SLC30A8: variants seen among roughly 807,000 people sequenced by gnomAD.
SLC30A8 encodes the protein solute carrier family 30 member 8, also known as proton-coupled zinc antiporter SLC30A8.
SLC30A8 carries 27 observed loss-of-function variants against 36.9 expected under a neutral mutation model. The ratio of observed to expected loss-of-function variants is 0.73; its 90% confidence interval spans 0.54 to 1.01. The LOEUF is 1.01. Ranked by LOEUF, SLC30A8 falls within the 50% of genes least tolerant of loss-of-function variation. The probability of loss-of-function intolerance (pLI) is 0.00; values close to 1 mark genes in which losing one functional copy is unlikely to be tolerated. For synonymous variants in SLC30A8, 164 were observed against 172.4 expected (o/e 0.95, Z 0.38); for missense variants, 439 against 452.0 (o/e 0.97, Z 0.26).
intron 1 of SLC30A8, among the ~76,000 whole-genome samples, chr8:117,021,860 T>C (rs1331741883): frequency 6.6e-6 from 1 of 152,074 alleles, no homozygotes; most frequent in Non-Finnish European, 1.5e-5. Flanking sequence ...CCCACACAGA[T>C]GTAGACACTC....
intron 2 of SLC30A8, among the ~76,000 whole-genome samples, chr8:117,122,601 A>C (rs1210841842): frequency 2.0e-5 from 3 of 151,984 alleles, no homozygotes; most frequent in Admixed American, 2.0e-4. Flanking sequence ...GAGTACTGAC[A>C]TCTACTGTGG....
In SLC30A8 at chr8:116,996,841, A is replaced by G. The variant is rs567478193; in HGVS notation, c.-265-42378A>G. 9.1e-4 allele frequency among the ~76,000 whole-genome samples: 138 copies of G among 152,350 alleles called. 1 individual carries two copies. The highest frequency in any genetic ancestry group is 3.2e-3 in the African/African-American group (133 of 41,588). On this transcript the variant is annotated intron_variant, in intron 1 of 10. Coordinates refer to the SLC30A8 transcript ENST00000427715. ...TATTCAGGCATTTGGAAAGGCATGC[A>G]GAATATTGTCATCAGAAGAAAAGTG...
Position 117,135,293 on chromosome 8 carries a change from A to C in SLC30A8, c.-35A>C. 6.5e-7 allele frequency: 1 copy of C among 1,549,542 alleles called. No homozygotes were observed. Among genetic ancestry groups the C allele is most frequent in the Non-Finnish European group, 8.8e-7 (1 of 1,136,690 alleles). Reference sequence around the variant, plus strand: ...AAAACTGGGCAGTGAGTTCAACAACAACGACAACAACAGCCGCAGCTCATC... The same window carrying C: ...AAAACTGGGCAGTGAGTTCAACAACCACGACAACAACAGCCGCAGCTCATC... On this transcript the variant is annotated 5_prime_UTR_variant, in exon 1 of 8. Transcript: ENST00000456015.
chr8:116,978,025 G>T (rs1586353267), intron 1 of SLC30A8, among the ~76,000 whole-genome samples: 1 of 151,986 alleles, frequency 6.6e-6, no homozygotes, highest in East Asian at 1.9e-4. Context: ...GAGCTATCTT[G>T]CCAACTTTGG....
Position 117,117,995 on chromosome 8 carries a change from A to T in SLC30A8, c.-225-17285A>T, listed in dbSNP as rs564026391. ...GTACTTGTAGGCTAAGAGAAACTTG[A>T]ATGTGATGCTGAGATACTGTCTTTT... On this transcript the variant is annotated intron_variant, in intron 2 of 10. Transcript: ENST00000427715. Among the ~76,000 whole-genome samples the T allele has an allele frequency of 1.5e-4, 23 of 151,988 alleles. 1 individual carries two copies. The South Asian group carries it at 4.8e-3, about 32-fold the overall frequency.
intron 2 of SLC30A8, among the ~76,000 whole-genome samples, chr8:117,069,648 A>G (rs1818269683): frequency 6.6e-6 from 1 of 152,172 alleles, no homozygotes; most frequent in Non-Finnish European, 1.5e-5. Flanking sequence ...TATTATCTTC[A>G]TCTCTTGGCA....
At chr8:117,168,090 T>C (rs1823154968) in intron 6 of SLC30A8, among the ~76,000 whole-genome samples, 1 of 145,314 alleles carries the variant, frequency 6.9e-6, no homozygotes, top group South Asian at 2.1e-4. Flanking sequence ...ACTGCCCCCA[T>C]GATTCAATTA....
chr8:117,103,877 T>G (rs774400096), intron 2 of SLC30A8, among the ~76,000 whole-genome samples: 2 of 152,186 alleles, frequency 1.3e-5, no homozygotes, highest in African/African-American at 2.4e-5. Context: ...CTGTCCTGTT[T>G]AGTCCAAGCT....
chr8:117,154,160 C>T (rs1228240514), intron 3 of SLC30A8, among the ~76,000 whole-genome samples: 1 of 151,934 alleles, frequency 6.6e-6, no homozygotes, highest in Non-Finnish European at 1.5e-5. Flanking sequence ...CAACGTGTGC[C>T]GTCATGGTTT....
chr8:117,162,040 G>C, intron 5 of SLC30A8, 152 bp downstream of exon 5: 1 of 592,122 alleles, frequency 1.7e-6, no homozygotes, highest in Non-Finnish European at 2.8e-6. Flanking sequence ...CTCAACCATG[G>C]TGTTAAGATG....
chr8:117,120,003 C>T (rs1820622281), intron 2 of SLC30A8, among the ~76,000 whole-genome samples: 1 of 151,812 alleles, frequency 6.6e-6, no homozygotes, highest in South Asian at 2.1e-4. Flanking sequence ...ATCTTGTGCT[C>T]ATAAATTGGA....
At chr8:116,975,311 A>G (rs1044572280) in intron 1 of SLC30A8, among the ~76,000 whole-genome samples, 1 of 152,226 alleles carries the variant, frequency 6.6e-6, no homozygotes, top group African/African-American at 2.4e-5. Context: ...GGGATAGTAT[A>G]AAAGAAAAAT....
chr8:117,105,131 T>G (rs1374082559), intron 2 of SLC30A8, among the ~76,000 whole-genome samples: 1 of 152,124 alleles, frequency 6.6e-6, no homozygotes, highest in African/African-American at 2.4e-5. Flanking sequence ...TCCTGTCTCA[T>G]TCTGTGACTT....
intron 1 of SLC30A8, among the ~76,000 whole-genome samples, chr8:117,028,272 T>C (rs1376263780): frequency 6.6e-6 from 1 of 152,188 alleles, no homozygotes; most frequent in African/African-American, 2.4e-5. Flanking sequence ...GAAATGTTAA[T>C]AGTGGTATTT....
intron 2 of SLC30A8, among the ~76,000 whole-genome samples, chr8:117,044,218 C>T (rs1326196527): frequency 6.6e-6 from 1 of 152,098 alleles, no homozygotes; most frequent in East Asian, 1.9e-4. Context: ...ACACAAAGGC[C>T]AAGAATTCAC....
rs777132738 is a variant in SLC30A8 at position 117,171,098 on chromosome 8, G to A, written c.894G>A (p.Leu298=). Residue 298 remains leucine (L), a synonymous_variant, in exon 7 of 8, where the codon CTG becomes CTA. Coordinates refer to ENST00000456015, the MANE Select transcript of SLC30A8 (RefSeq NM_173851.3). The part of the protein sequence containing the change: ...KELILAVDGV[L]SVHSLHIWSL... ...TTATTTTAGCAGTCGACGGGGTGCTGTCTGTGCACAGCCTGCACATCTGGT... is the reference window on the plus strand; with the variant it reads ...TTATTTTAGCAGTCGACGGGGTGCTATCTGTGCACAGCCTGCACATCTGGT... 1 of 1,612,966 alleles carries A rather than the reference G, an allele frequency of 6.2e-7. No homozygotes were observed. The highest frequency in any genetic ancestry group is 1.1e-5 in the South Asian group (1 of 91,052).
intron 2 of SLC30A8, among the ~76,000 whole-genome samples, chr8:117,057,995 A>G (rs958495419): frequency 2.0e-5 from 3 of 152,188 alleles, no homozygotes; most frequent in African/African-American, 2.4e-5. Flanking sequence ...ATGCCAATCT[A>G]TGCTCCACCA....
chr8:116,953,284 A>G (rs1814062510), intron 1 of SLC30A8, among the ~76,000 whole-genome samples: 1 of 152,158 alleles, frequency 6.6e-6, no homozygotes, highest in South Asian at 2.1e-4. Flanking sequence ...GTTGATGGGC[A>G]TCAAGGTTGA....
intron 2 of SLC30A8, among the ~76,000 whole-genome samples, chr8:117,089,556 T>C (rs1424383867): frequency 6.6e-6 from 1 of 152,172 alleles, no homozygotes; most frequent in African/African-American, 2.4e-5. Flanking sequence ...TTCACTTCTC[T>C]CCATCCCCAC....
Sources: gnomAD v4.1 joint callset for allele counts (sites outside exome capture counted in the v4.1 genomes callset) on GRCh38, gnomAD v4.1.1 for gene constraint, MANE v1.5 for transcripts, NCBI Gene and HGNC (gene_info 2026-07-23, HGNC 2026-07-21) for gene names.